The following BAG1 variants were observed in gnomAD, a reference collection of about 807,000 sequenced individuals.
BAG1 encodes the protein BAG family molecular chaperone regulator 1.
Under a neutral mutation model 35.5 loss-of-function variants are expected in BAG1, and 35 were observed. That is an observed-to-expected ratio of 0.99 (90% CI 0.75 to 1.31). BAG1 has a LOEUF of 1.31. Ranked by LOEUF, BAG1 falls within the 50% of genes most tolerant of loss-of-function variation. BAG1 has a pLI of 0.00. For missense variants in BAG1, 464 were observed against 453.6 expected (o/e 1.02, Z -0.21); for synonymous variants, 191 against 178.9 (o/e 1.07, Z -0.54).
chr9:33,264,707 C>T lies in BAG1; in HGVS notation c.-33G>A. 7.3e-7 allele frequency: 1 copy of T among 1,364,400 alleles called. No individual in the cohort carries two copies. The highest frequency in any genetic ancestry group is 9.4e-7 in the Non-Finnish European group (1 of 1,064,546). The allele number at this position is 1,364,400 out of a possible 1,614,324, so 84.5% of individuals were successfully genotyped here. On this transcript the variant is annotated 5_prime_UTR_variant, in exon 1 of 7. Coordinates refer to ENST00000634734, the MANE Select transcript of BAG1 (RefSeq NM_004323.6). The stretch of plus-strand genomic sequence containing the variant: ...CTTGTTGACCGCCCAGCGATGGAAG[C>T]TGAGCGCGGCGTCTCACAACCCCGC...
In BAG1 at chr9:33,264,657, C is replaced by A. The variant is rs1001287597; in HGVS notation, c.18G>T (p.Gly6=). 8.2e-4 allele frequency: 1,104 copies of A among 1,343,938 alleles called. 2 individuals carry two copies. The highest frequency in any genetic ancestry group is 1.0e-3 in the Non-Finnish European group (1,067 of 1,056,296). 83.3% of individuals were successfully genotyped at this position (1,343,938 alleles called of 1,614,324 possible). A position where few individuals can be genotyped will look rare whatever the true frequency, so the allele number is the denominator to read the frequency against. Residue 6 remains glycine (G), a synonymous_variant, in exon 1 of 7, where the codon GGG becomes GGT. Coordinates refer to ENST00000634734, the MANE Select transcript of BAG1 (RefSeq NM_004323.6). Reference sequence around the variant, plus strand: ...CCCGGTCGCCTCGCGGTCTCCGCGCCCCCCCGCGCTGAGCCAGGCCCGCAC... The same window carrying A: ...CCCGGTCGCCTCGCGGTCTCCGCGCACCCCCGCGCTGAGCCAGGCCCGCAC...
At chr9:33,257,171 C>T in intron 4 of BAG1, 1 of 420,466 alleles carries the variant, frequency 2.4e-6, no homozygotes, top group Admixed American at 4.2e-5. Context: ...TCCAGTGAAG[C>T]CCCCAGTCAC....
rs60992409 is a variant in BAG1, at chr9:33,264,401, ACTC to A, written c.271_273del (p.Glu91del). On this transcript the variant is annotated inframe_deletion, in exon 1 of 7. Transcript: ENST00000634734. ...CAGGTCGCTTCCTCACTCAGGGTCA[ACTC>A]CTCGCTCCGGGTCAACTCCTCGCTC... is the stretch of plus-strand genomic sequence containing the variant. 1,479 of 1,566,086 alleles carry A rather than the reference ACTC, an allele frequency of 9.4e-4. 17 individuals carry two copies. In the African/African-American group the frequency reaches 0.02, roughly 21 times the overall value.
chr9:33,255,267 G>A lies in BAG1; in HGVS notation c.990C>T (p.Cys330=). 1 of 1,614,222 alleles carries A rather than the reference G, an allele frequency of 6.2e-7. No homozygotes were observed. The highest frequency in any genetic ancestry group is 8.5e-7 in the Non-Finnish European group (1 of 1,180,036). Residue 330 remains cysteine (C), a synonymous_variant, in exon 7 of 7, where the codon TGC becomes TGT. Transcript: ENST00000634734. ...TAGACTGCAGCCGCTCAGTCTCCTG[G>A]CAGATGTTCTGCTCCACTGTGTCAC...
Position 33,264,361 on chromosome 9 carries a change from G to A in BAG1, c.314C>T (p.Thr105Ile). 6.2e-7 allele frequency: 1 copy of A among 1,613,192 alleles called. No homozygotes were observed. The change falls in exon 1 of 7, where the codon ACC becomes ATC. Residue 105 changes from threonine (T) to isoleucine (I), a missense_variant. Physicochemically the swap from Thr to Ile is moderately conservative, Grantham distance 89. Transcript: ENST00000634734. ...GCCCTGGGTCGCCTCCTCACTCTGG[G>A]TCGCCTCTTCACTCCAGGTCGCTTC... is the stretch of plus-strand genomic sequence containing the variant.
chr9:33,262,949 C>T (rs1820609817), intron 1 of BAG1, 119 bp from the exon 2 acceptor site: 1 of 1,403,880 alleles, frequency 7.1e-7, no homozygotes, highest in East Asian at 2.4e-5. Flanking sequence ...CCACCTACTC[C>T]ACAGAGCCTG....
intron 4 of BAG1, chr9:33,257,137 T>C (rs929599126): frequency 1.0e-5 from 5 of 483,610 alleles, no homozygotes; most frequent in Non-Finnish European, 1.8e-5. Flanking sequence ...CCACTGTGGC[T>C]GCAAATGCCT....
At chr9:33,257,592 G>T (rs2117942053) in intron 4 of BAG1, 1 of 152,230 alleles carries the variant, frequency 6.6e-6, no homozygotes, top group South Asian at 2.1e-4. Flanking sequence ...ACATCACCCA[G>T]CAATTCCAAC....
chr9:33,254,059 C>G lies in BAG1; in HGVS notation c.*1160G>C, dbSNP rs2117913788. On this transcript the variant is annotated 3_prime_UTR_variant, in exon 7 of 7. Transcript: ENST00000634734. ...GGGGCGTAATCTCGGCTCACAGCAA[C>G]CTCTACCTCCCAGGTTCAAATGATT... 6.6e-6 allele frequency: 1 copy of G among 151,842 alleles called. No homozygotes were observed. Among genetic ancestry groups the G allele is most frequent in the Middle Eastern group, 3.4e-3 (1 of 294 alleles). 9.4% of individuals were successfully genotyped at this position (151,842 alleles called of 1,614,324 possible).
chr9:33,264,527 G>T lies in BAG1; in HGVS notation c.148C>A (p.Arg50=), dbSNP rs990685884. The T allele has an allele frequency of 6.3e-7, 1 of 1,580,860 alleles. No homozygotes were observed. Among genetic ancestry groups the T allele is most frequent in the Non-Finnish European group, 8.6e-7 (1 of 1,166,866 alleles). Reference sequence around the variant, plus strand: ...CGGTCATGCCCGCTGGCAGTACTCCGGGCAGGTGGACGCCCAGAGGGAGGC... The same window carrying T: ...CGGTCATGCCCGCTGGCAGTACTCCTGGCAGGTGGACGCCCAGAGGGAGGC... Residue 50 remains arginine (R), a synonymous_variant, in exon 1 of 7, where the codon CGG becomes AGG. Transcript: ENST00000634734.
intron 1 of BAG1, among the ~76,000 whole-genome samples, chr9:33,263,820 G>A (rs1252418081): frequency 6.6e-6 from 1 of 152,130 alleles, no homozygotes; most frequent in Non-Finnish European, 1.5e-5. Flanking sequence ...GGCGCACACG[G>A]AGAAGGCACT....
intron 5 of BAG1, 126 bp downstream of exon 5, chr9:33,256,675 G>A (rs1438389162): frequency 2.7e-6 from 2 of 750,708 alleles, no homozygotes; most frequent in Non-Finnish European, 4.4e-6. Flanking sequence ...GCACACAATA[G>A]TAGATGCTTA....
At position 33,252,572 on chromosome 9, in the gene BAG1, T is replaced by G. The variant is rs1295670093; in HGVS notation, c.*2647A>C. On this transcript the variant is annotated 3_prime_UTR_variant, in exon 7 of 7. Transcript: ENST00000634734. ...ATATGTTATGTTATATATATATATG[T>G]TATATATGTAATATAACTATATTAC... 2.0e-5 allele frequency: 3 copies of G among 150,026 alleles called. No individual in the cohort carries two copies. Among genetic ancestry groups the G allele is most frequent in the Non-Finnish European group, 3.0e-5 (2 of 67,628 alleles). The allele number at this position is 150,026 out of a possible 1,614,324, so 9.3% of individuals were successfully genotyped here. A position where few individuals can be genotyped will look rare whatever the true frequency, so the allele number is the denominator to read the frequency against.
chr9:33,261,725 A>C (rs1312972514), intron 2 of BAG1, among the ~76,000 whole-genome samples: 2 of 152,228 alleles, frequency 1.3e-5, no homozygotes, highest in Non-Finnish European at 2.9e-5. Flanking sequence ...GCCTCCTATT[A>C]CTAAATTCTT....
chr9:33,261,989 C>T, intron 2 of BAG1: 1 of 1,182,280 alleles, frequency 8.5e-7, no homozygotes, highest in Non-Finnish European at 1.1e-6. Flanking sequence ...GTTATTTTAA[C>T]AGAGAAATCA....
chr9:33,261,255 T>C, intron 2 of BAG1, 86 bp from the exon 3 acceptor site: 1 of 982,540 alleles, frequency 1.0e-6, no homozygotes, highest in Non-Finnish European at 1.6e-6. Flanking sequence ...AATAGACAAG[T>C]GTGTTCACTA....
In BAG1 at chr9:33,255,929, T is replaced by G; in HGVS notation, c.886-2A>C. On this transcript the variant is annotated splice_acceptor_variant, in intron 5 of 6. Coordinates refer to ENST00000634734, the MANE Select transcript of BAG1 (RefSeq NM_004323.6). LOFTEE classifies it high-confidence loss of function. ...GTCTTTGAAATTTTCTGGCAGGATC[T>G]ATGGAAGAGTAAGTTGATAATACAA... 1 of 1,610,592 alleles carries G rather than the reference T, an allele frequency of 6.2e-7. No homozygotes were observed. The highest frequency in any genetic ancestry group is 8.5e-7 in the Non-Finnish European group (1 of 1,176,724).
chr9:33,261,026 A>G, intron 3 of BAG1, 61 bp downstream of exon 3: 1 of 1,415,712 alleles, frequency 7.1e-7, no homozygotes, highest in Non-Finnish European at 9.7e-7. Context: ...CTAAACAGAA[A>G]CATGTATAAA....
At chr9:33,264,159 T>C in intron 1 of BAG1, 65 bp downstream of exon 1, 1 of 1,512,728 alleles carries the variant, frequency 6.6e-7, no homozygotes, top group South Asian at 1.2e-5. Flanking sequence ...GACACGTGAC[T>C]AAACCCACAG....
Sources: allele counts gnomAD v4.1 joint callset (sites outside exome capture counted in the v4.1 genomes callset), GRCh38; gene constraint gnomAD v4.1.1; transcripts MANE v1.5; gene names NCBI Gene and HGNC (gene_info 2026-07-23, HGNC 2026-07-21).